The following KDM4B variants were observed in gnomAD, a reference collection of about 807,000 sequenced individuals.
KDM4B encodes the protein lysine-specific demethylase 4B.
Under a neutral mutation model 125.2 loss-of-function variants are expected in KDM4B, and 32 were observed. The ratio of observed to expected loss-of-function variants is 0.26; its 90% confidence interval spans 0.19 to 0.34. KDM4B has a LOEUF of 0.34. Among genes scored for constraint, KDM4B ranks in the 10% least tolerant of loss-of-function variants. The pLI, the probability that KDM4B is intolerant of heterozygous loss-of-function variation, is 1.00. For synonymous variants in KDM4B, 721 were observed against 677.9 expected, an observed-to-expected ratio of 1.06 and a Z score of -0.99; for missense variants, 1,190 against 1,577.7, an observed-to-expected ratio of 0.75 and a Z score of 4.16.
chr19:5,139,305 C>T (rs548821086), intron 18 of KDM4B, among the ~76,000 whole-genome samples: 22 of 152,266 alleles, frequency 1.4e-4, no homozygotes, highest in African/African-American at 4.8e-4. Context: ...AGTGATGTGC[C>T]ACCATGTGGA....
Position 5,143,953 on chromosome 19 carries a change from G to T in KDM4B, c.2551-14G>T. 1 of 1,569,552 alleles carries T rather than the reference G, an allele frequency of 6.4e-7. No individual in the cohort carries two copies. The highest frequency in any genetic ancestry group is 8.7e-7 in the Non-Finnish European group (1 of 1,148,926). ...GCTCGAGCCCCATGCCCCTGCCTGT[G>T]TCCCCATCCCCAGAAATGCGTGTAC... On this transcript the variant is annotated splice_polypyrimidine_tract_variant and intron_variant, in intron 18 of 22. Transcript: ENST00000159111.
intron 9 of KDM4B, among the ~76,000 whole-genome samples, chr19:5,086,144 C>T (rs1292559840): frequency 6.6e-6 from 1 of 152,134 alleles, no homozygotes; most frequent in East Asian, 1.9e-4. Flanking sequence ...TGCTTAGAGA[C>T]ATTTTTGCTT....
intron 1 of KDM4B, among the ~76,000 whole-genome samples, chr19:4,974,808 C>T (rs1453084007): frequency 6.6e-6 from 1 of 151,976 alleles, no homozygotes; most frequent in Non-Finnish European, 1.5e-5. Context: ...AGATTTTCCC[C>T]TGCTCAGAAC....
intron 5 of KDM4B, among the ~76,000 whole-genome samples, chr19:5,046,192 C>T (rs1278046463): frequency 2.0e-5 from 3 of 152,244 alleles, no homozygotes; most frequent in Non-Finnish European, 4.4e-5. Flanking sequence ...CAGCCCAGGC[C>T]GACCTGCCAC....
Position 5,142,378 on chromosome 19 carries a change from C to A in KDM4B, c.2551-1589C>A, listed in dbSNP as rs1036203476. ...GCCACAGCGCGTGGCGTGACTGGAC[C>A]TCGCCTTAGTAGGGGTGGCTCTGGG... On this transcript the variant is annotated intron_variant, in intron 18 of 22. Transcript: ENST00000159111. This position sits in a 1 kb window ranked among gnomAD's most constrained non-coding sequence, Gnocchi z 5.4. 6.6e-6 allele frequency among the ~76,000 whole-genome samples: 1 copy of A among 152,212 alleles called. No homozygotes were observed. The highest frequency in any genetic ancestry group is 1.5e-5 in the Non-Finnish European group (1 of 68,020).
chr19:5,130,097 C>T (rs927933635), intron 11 of KDM4B, among the ~76,000 whole-genome samples: 20 of 152,192 alleles, frequency 1.3e-4, no homozygotes, highest in African/African-American at 3.1e-4. Flanking sequence ...ACAGGCACAG[C>T]GCAGCCTCTT....
chr19:4,969,587 G>C (rs1023432042), intron 1 of KDM4B, among the ~76,000 whole-genome samples: 5 of 151,722 alleles, frequency 3.3e-5, no homozygotes, highest in Non-Finnish European at 5.9e-5. Context: ...GGCCCCGGCC[G>C]GGCCCTTTTA....
Position 5,151,322 on chromosome 19 carries a change from C to G in KDM4B, c.3115-13C>G. Reference sequence around the variant, plus strand: ...TCCACCGTGCTAACCACTGTGCTTCCGCTCTCCCGCAGTCACTGAGCACGG... The same window carrying G: ...TCCACCGTGCTAACCACTGTGCTTCGGCTCTCCCGCAGTCACTGAGCACGG... On this transcript the variant is annotated splice_polypyrimidine_tract_variant and intron_variant, in intron 22 of 22. Transcript: ENST00000159111. 2 of 1,516,242 alleles carry G rather than the reference C, an allele frequency of 1.3e-6. No homozygotes were observed. Among genetic ancestry groups the G allele is most frequent in the Non-Finnish European group, 1.8e-6 (2 of 1,129,310 alleles). 93.9% of individuals were successfully genotyped at this position (1,516,242 alleles called of 1,614,324 possible).
At chr19:5,062,115 C>T (rs2613756) in intron 6 of KDM4B, among the ~76,000 whole-genome samples, 44 of 152,324 alleles carry the variant, frequency 2.9e-4, no homozygotes, top group African/African-American at 1.0e-3. Flanking sequence ...TCTTCCTGCC[C>T]TCTGTCCGGT....
intron 2 of KDM4B, among the ~76,000 whole-genome samples, chr19:5,028,610 G>T (rs2036354962): frequency 6.6e-6 from 1 of 152,180 alleles, no homozygotes; most frequent in South Asian, 2.1e-4. Context: ...GGAATTGCTG[G>T]GTCAAGTGTG....
chr19:5,091,924 T>G (rs1568293127), intron 9 of KDM4B, among the ~76,000 whole-genome samples: 1 of 151,712 alleles, frequency 6.6e-6, no homozygotes, highest in Non-Finnish European at 1.5e-5. Context: ...CAAACTGCTG[T>G]GTGAAATATG....
chr19:5,025,574 G>A (rs1444241581), intron 2 of KDM4B, among the ~76,000 whole-genome samples: 1 of 152,150 alleles, frequency 6.6e-6, no homozygotes, highest in East Asian at 1.9e-4. Context: ...TCGGCTTCCC[G>A]TCCAACCCCA....
chr19:5,139,859 G>A lies in KDM4B; in HGVS notation c.2550+1789G>A, dbSNP rs1188189849. ...GTAGATGCGCGCAGCCACCTTGGGCGTAGCGGGGCCTCATCGTGGGGGCTT... is the reference window on the plus strand; with the variant it reads ...GTAGATGCGCGCAGCCACCTTGGGCATAGCGGGGCCTCATCGTGGGGGCTT... On this transcript the variant is annotated intron_variant, in intron 18 of 22. Transcript: ENST00000159111. Among the ~76,000 whole-genome samples, 14 of 152,262 alleles carry A rather than the reference G, an allele frequency of 9.2e-5. No individual in the cohort carries two copies. The East Asian group carries it at 1.2e-3, about 13-fold the overall frequency.
intron 3 of KDM4B, among the ~76,000 whole-genome samples, chr19:5,034,777 G>A (rs981178463): frequency 1.3e-5 from 2 of 152,160 alleles, no homozygotes; most frequent in African/African-American, 2.4e-5. Context: ...GCTGTAGAGC[G>A]AGGGAAGCAG....
chr19:5,135,288 C>T lies in KDM4B; in HGVS notation c.2086-51C>T, dbSNP rs368686509. 9.0e-5 allele frequency: 122 copies of T among 1,356,582 alleles called. 2 individuals carry two copies. The highest frequency in any genetic ancestry group is 7.9e-4 in the South Asian group (66 of 83,934). The allele number at this position is 1,356,582 out of a possible 1,614,324, so 84.0% of individuals were successfully genotyped here. ...CTGAGAGAGGTCCGCGCCGCCCGCC[C>T]GCCTGCCCCACACATGGCTCTGTCC... On this transcript the variant is annotated intron_variant, in intron 14 of 22. Transcript: ENST00000159111.
intron 1 of KDM4B, among the ~76,000 whole-genome samples, chr19:5,014,878 C>T (rs263051): frequency 3.0e-4 from 45 of 152,048 alleles, no homozygotes; most frequent in African/African-American, 1.0e-3. Flanking sequence ...GCCTGTAGTC[C>T]CAGCTATTCG....
At chr19:5,089,132 G>A (rs2038605846) in intron 9 of KDM4B, among the ~76,000 whole-genome samples, 1 of 152,178 alleles carries the variant, frequency 6.6e-6, no homozygotes, top group African/African-American at 2.4e-5. Flanking sequence ...TCCCCACTCT[G>A]TGAATACACA....
At chr19:5,120,536 C>T (rs1474780004) in intron 11 of KDM4B, among the ~76,000 whole-genome samples, 1 of 152,152 alleles carries the variant, frequency 6.6e-6, no homozygotes, top group African/African-American at 2.4e-5. Context: ...TGTGAACCAG[C>T]AGTTGTGAAC....
intron 1 of KDM4B, among the ~76,000 whole-genome samples, chr19:4,985,565 G>A (rs1161550761): frequency 6.6e-6 from 1 of 152,262 alleles, no homozygotes; most frequent in Non-Finnish European, 1.5e-5. Context: ...GTGCAGGCTG[G>A]GGCTGCCATG....
Sources: gnomAD v4.1 joint callset for allele counts (sites outside exome capture counted in the v4.1 genomes callset) on GRCh38, gnomAD v4.1.1 for gene constraint, Gnocchi (gnomAD v3.1) non-coding constraint, MANE v1.5 for transcripts, NCBI Gene and HGNC (gene_info 2026-07-23, HGNC 2026-07-21) for gene names.